The following MBNL1 variants were observed in gnomAD, a reference collection of about 807,000 sequenced individuals.
MBNL1 encodes muscleblind-like protein 1.
In MBNL1, 8 loss-of-function variants were observed where a neutral mutation model predicts 42.2. That is an observed-to-expected ratio of 0.19 (90% CI 0.11 to 0.34). The LOEUF is 0.34. Ranked by LOEUF, MBNL1 falls within the 10% of genes least tolerant of loss-of-function variation. The pLI is 1.00. For synonymous variants in MBNL1, 169 were observed against 173.9 expected (o/e 0.97, Z 0.22); for missense variants, 309 against 495.3 (o/e 0.62, Z 3.57).
chr3:152,299,094 C>G (rs1006841554), intron 1 of MBNL1: 1 of 152,562 alleles, frequency 6.6e-6, no homozygotes, highest in East Asian at 1.9e-4. Context: ...GTCTGACAGG[C>G]GCGACCTTTC....
chr3:152,314,946 A>G (rs1172894424), intron 2 of MBNL1, among the ~76,000 whole-genome samples: 1 of 152,216 alleles, frequency 6.6e-6, no homozygotes, highest in Non-Finnish European at 1.5e-5. Context: ...TTACTGAGCC[A>G]TGCCACTGCA....
chr3:152,297,262 T>TG (rs986131618), intron 1 of MBNL1, among the ~76,000 whole-genome samples: 1 of 150,680 alleles, frequency 6.6e-6, no homozygotes, highest in African/African-American at 2.4e-5. Flanking sequence ...TTGTTTTTTT[T>TG]TTTTTTTTTT....
At chr3:152,351,917 G>A (rs1046639203) in intron 2 of MBNL1, among the ~76,000 whole-genome samples, 3 of 152,126 alleles carry the variant, frequency 2.0e-5, no homozygotes, top group African/African-American at 7.2e-5. Context: ...CTTAGTAAAT[G>A]TCCAGCATTG....
At chr3:152,340,897 A>G (rs971112344) in intron 2 of MBNL1, 4 of 1,609,586 alleles carry the variant, frequency 2.5e-6, no homozygotes, top group Non-Finnish European at 3.4e-6. Context: ...GCCAGGGTCC[A>G]TCTGCATTGT....
intron 8 of MBNL1, chr3:152,458,317 CTG>C (rs1203654568): frequency 2.6e-6 from 2 of 775,428 alleles, no homozygotes; most frequent in African/African-American, 1.7e-5. Context: ...ACACGCCAGA[CTG>C]TGGATTGTAG....
At chr3:152,332,692 TTGTGTG>T (rs71144115) in intron 2 of MBNL1, among the ~76,000 whole-genome samples, 4,981 of 132,970 alleles carry the variant, frequency 0.037, 143 homozygotes, top group East Asian at 0.13. Flanking sequence ...TTTCATGGTT[TTGTGTG>T]TGTGTGTGTG....
intron 2 of MBNL1, among the ~76,000 whole-genome samples, chr3:152,346,964 A>G (rs1195029321): frequency 6.6e-6 from 1 of 151,784 alleles, no homozygotes; most frequent in East Asian, 1.9e-4. Context: ...GGATCGCTTG[A>G]GTCCAGAAGG....
At chr3:152,457,916 C>T in intron 8 of MBNL1, 1 of 486,516 alleles carries the variant, frequency 2.1e-6, no homozygotes, top group Non-Finnish European at 3.7e-6. Flanking sequence ...GATCTTCATA[C>T]TATTTGACAA....
intron 9 of MBNL1, among the ~76,000 whole-genome samples, chr3:152,461,085 A>G (rs1744947112): frequency 6.6e-6 from 1 of 152,158 alleles, no homozygotes; most frequent in African/African-American, 2.4e-5. Flanking sequence ...CTTGTAAAAG[A>G]AGGACAGTGT....
chr3:152,265,493 G>GT (rs1386665788), upstream of MBNL1: 1 of 151,790 alleles, frequency 6.6e-6, no homozygotes, highest in Non-Finnish European at 1.5e-5. Flanking sequence ...TGCAGAAGAA[G>GT]TAAGTCACAA....
At chr3:152,353,762 C>T (rs1366268602) in intron 2 of MBNL1, among the ~76,000 whole-genome samples, 2 of 143,212 alleles carry the variant, frequency 1.4e-5, no homozygotes, top group South Asian at 4.6e-4. Flanking sequence ...ACCTCAAAAT[C>T]TGGCATGCAA....
chr3:152,414,804 A>G (rs765238469), intron 2 of MBNL1, 137 bp from the exon 3 acceptor site: 1 of 737,460 alleles, frequency 1.4e-6, no homozygotes, highest in Middle Eastern at 2.5e-4. Context: ...TTCTAAATGT[A>G]TGATCAAATG....
Position 152,373,888 on chromosome 3 carries a change from G to A in MBNL1, c.175-41053G>A, listed in dbSNP as rs1392519410. Among the ~76,000 whole-genome samples the A allele has an allele frequency of 3.3e-5, 5 of 152,194 alleles. No individual in the cohort carries two copies. The East Asian group carries it at 7.7e-4, about 23-fold the overall frequency. The stretch of plus-strand genomic sequence containing the variant: ...TTTATAAATGAAGATTTTCAAATAT[G>A]TACAAAAGTAGAGAGAATAGTGTAA... On this transcript the variant is annotated intron_variant, in intron 2 of 9. Coordinates refer to ENST00000324210, the MANE Select transcript of MBNL1 (RefSeq NM_021038.5).
At chr3:152,386,177 T>C (rs73870000) in intron 2 of MBNL1, among the ~76,000 whole-genome samples, 2,145 of 152,108 alleles carry the variant, frequency 0.014, 46 homozygotes, top group African/African-American at 0.049. Flanking sequence ...AATCATACCA[T>C]ACAGTGAAGT....
At chr3:152,277,344 A>G (rs922122112) in intron 1 of MBNL1, among the ~76,000 whole-genome samples, 4 of 152,166 alleles carry the variant, frequency 2.6e-5, no homozygotes, top group African/African-American at 7.2e-5. Flanking sequence ...CTCCTCTCTT[A>G]TTAAAGTCCA....
At chr3:152,323,241 G>A (rs1027301415) in intron 2 of MBNL1, among the ~76,000 whole-genome samples, 1 of 151,840 alleles carries the variant, frequency 6.6e-6, no homozygotes, top group Non-Finnish European at 1.5e-5. Flanking sequence ...AAAAGTGATA[G>A]GATCAATATA....
intron 2 of MBNL1, among the ~76,000 whole-genome samples, chr3:152,413,957 C>CT (rs1012286679): frequency 1.3e-3 from 202 of 152,012 alleles, no homozygotes; most frequent in African/African-American, 4.7e-3. Flanking sequence ...ATAGTAACTT[C>CT]TTTTTTTTGA....
chr3:152,255,338 A>G (rs1418318314), intron 2 of MBNL1, among the ~76,000 whole-genome samples: 1 of 152,122 alleles, frequency 6.6e-6, no homozygotes, highest in Admixed American at 6.6e-5. Context: ...ATATTCTAAT[A>G]TTACATTAAT....
intron 1 of MBNL1, among the ~76,000 whole-genome samples, chr3:152,285,305 G>A (rs539583190): frequency 6.6e-6 from 1 of 152,242 alleles, no homozygotes; most frequent in South Asian, 2.1e-4. Flanking sequence ...AGCATGTATC[G>A]TGTATCGTGA....
Sources: allele counts gnomAD v4.1 joint callset (sites outside exome capture counted in the v4.1 genomes callset), GRCh38; gene constraint gnomAD v4.1.1; transcripts MANE v1.5; gene names NCBI Gene and HGNC (gene_info 2026-07-23, HGNC 2026-07-21).